MARCHF1: variants seen among roughly 807,000 people sequenced by gnomAD.
MARCHF1 encodes E3 ubiquitin-protein ligase MARCHF1.
Under a neutral mutation model 54.2 loss-of-function variants are expected in MARCHF1, and 40 were observed. The ratio of observed to expected loss-of-function variants is 0.74; its 90% CI spans 0.57 to 0.96. The LOEUF is 0.96. Among genes scored for constraint, MARCHF1 ranks in the 40% least tolerant of loss-of-function variants. The pLI, the probability that MARCHF1 is intolerant of heterozygous loss-of-function variation, is 0.00. For missense variants in MARCHF1, 586 were observed against 656.5 expected, an observed-to-expected ratio of 0.89 and a Z score of 1.17; for synonymous variants, 236 against 236.3, an observed-to-expected ratio of 1.00 and a Z score of 0.01.
chr4:163,854,049 A>C lies in MARCHF1; in HGVS notation c.83T>G (p.Leu28Trp). 6.5e-7 allele frequency: 1 copy of C among 1,536,940 alleles called. No homozygotes were observed. Among genetic ancestry groups the C allele is most frequent in the African/African-American group, 1.4e-5 (1 of 73,142 alleles). The part of the protein sequence containing the change: ...NTRTPEISGD[L>W]ADASQTSTLN... ...TGTGGAGGTTTGTGAGGCGTCAGCC[A>C]AATCCCCTGAGATCTCGGGTGTTCG... The change falls in exon 4 of 10, where the codon TTG becomes TGG. Residue 28 changes from leucine to tryptophan, a missense_variant. Physicochemically the swap from Leu to Trp is moderately conservative, Grantham distance 61. Around this residue, in one of 3 missense-constraint regions of MARCHF1, gnomAD observed 387 missense variants for 394.6 expected, o/e 0.98. Transcript: ENST00000514618.
At chr4:163,820,278 T>C (rs1020366453) in intron 4 of MARCHF1, among the ~76,000 whole-genome samples, 8 of 152,068 alleles carry the variant, frequency 5.3e-5, no homozygotes, top group Non-Finnish European at 8.8e-5. Context: ...AGTTATCCTT[T>C]TGAAGTAATC....
At chr4:163,782,466 T>C (rs1357176742) in intron 4 of MARCHF1, among the ~76,000 whole-genome samples, 1 of 151,420 alleles carries the variant, frequency 6.6e-6, no homozygotes, top group Non-Finnish European at 1.5e-5. Flanking sequence ...AGGCCAGAAG[T>C]TCAAGACAGG....
chr4:163,525,191 C>T lies in MARCHF1; in HGVS notation c.*3557G>A, dbSNP rs778656131. The stretch of plus-strand genomic sequence containing the variant: ...TATGGGGCAGATAGAAAAATCTTCC[C>T]ACCTCAGCCCCAGGACCCTTATAAT... On this transcript the variant is annotated 3_prime_UTR_variant, in exon 10 of 10. Coordinates refer to ENST00000514618, the MANE Select transcript of MARCHF1 (RefSeq NM_001394959.1). The T allele has an allele frequency of 6.6e-6, 1 of 152,094 alleles. No individual in the cohort carries two copies. Among genetic ancestry groups the T allele is most frequent in the Non-Finnish European group, 1.5e-5 (1 of 68,014 alleles). The allele number at this position is 152,094 out of a possible 1,614,324, so 9.4% of individuals were successfully genotyped here.
At chr4:163,949,449 C>T (rs1752088155) in intron 3 of MARCHF1, among the ~76,000 whole-genome samples, 1 of 152,232 alleles carries the variant, frequency 6.6e-6, no homozygotes, top group Non-Finnish European at 1.5e-5. Context: ...CCTCTCTTCT[C>T]TCCTTCTCGT....
chr4:164,114,436 A>G (rs890480600), intron 1 of MARCHF1, among the ~76,000 whole-genome samples: 4 of 151,822 alleles, frequency 2.6e-5, no homozygotes, highest in African/African-American at 9.7e-5. Flanking sequence ...GCATTTACCC[A>G]TTAATAATTC....
intron 4 of MARCHF1, among the ~76,000 whole-genome samples, chr4:163,770,832 C>A (rs1747137201): frequency 6.6e-6 from 1 of 152,124 alleles, no homozygotes; most frequent in Non-Finnish European, 1.5e-5. Context: ...TTCTTTATAG[C>A]TCCTATCAGA....
intron 5 of MARCHF1, among the ~76,000 whole-genome samples, chr4:163,694,801 A>G (rs1412957360): frequency 6.6e-6 from 1 of 152,116 alleles, no homozygotes. Context: ...GCTAAATGAG[A>G]TCGCCCAAGG....
In MARCHF1 at chr4:163,550,239, G is replaced by A. The variant is rs56724355; in HGVS notation, c.1192-4496C>T. 6.8e-3 allele frequency among the ~76,000 whole-genome samples: 975 copies of A among 144,098 alleles called. 19 individuals are homozygous for A. The highest frequency in any genetic ancestry group is 0.025 in the African/African-American group (937 of 38,006). 94.5% of individuals were successfully genotyped at this position (144,098 alleles called of 152,430 possible). A position where few individuals can be genotyped will look rare whatever the true frequency, so the allele number is the denominator to read the frequency against. On this transcript the variant is annotated intron_variant, in intron 8 of 9. Coordinates refer to ENST00000514618, the MANE Select transcript of MARCHF1 (RefSeq NM_001394959.1). ...AGAGATTGCAGTGGGCCGAGATCGCGCCACTGCACTCCAGCCTCGGCGACA... is the reference window on the plus strand; with the variant it reads ...AGAGATTGCAGTGGGCCGAGATCGCACCACTGCACTCCAGCCTCGGCGACA...
chr4:163,822,968 A>T (rs1489736170), intron 4 of MARCHF1, among the ~76,000 whole-genome samples: 1 of 151,860 alleles, frequency 6.6e-6, no homozygotes, highest in Non-Finnish European at 1.5e-5. Context: ...AGCTTGTTAG[A>T]GTCCTCCTCT....
chr4:164,121,595 C>CA (rs1021087962), intron 1 of MARCHF1, among the ~76,000 whole-genome samples: 1 of 152,060 alleles, frequency 6.6e-6, no homozygotes, highest in African/African-American at 2.4e-5. Context: ...AGCTCCCTCC[C>CA]ATGACATGTG....
chr4:163,632,995 C>G (rs1288009886), intron 5 of MARCHF1, among the ~76,000 whole-genome samples: 1 of 152,162 alleles, frequency 6.6e-6, no homozygotes, highest in African/African-American at 2.4e-5. Context: ...ACGCTGACAC[C>G]TCACACTGCA....
At chr4:164,344,250 G>A (rs1221686223) in intron 1 of MARCHF1, among the ~76,000 whole-genome samples, 2 of 152,188 alleles carry the variant, frequency 1.3e-5, no homozygotes, top group East Asian at 1.9e-4. Context: ...GGAGGGAGAA[G>A]ATCGGAAAAC....
intron 3 of MARCHF1, among the ~76,000 whole-genome samples, chr4:163,973,339 C>CTGGTGACTGGTG (rs1752587045): frequency 6.6e-6 from 1 of 152,206 alleles, no homozygotes; most frequent in Admixed American, 6.5e-5. Context: ...GCTGGTTGTT[C>CTGGTGACTGGTG]TTAGCCTTGC....
chr4:164,303,497 T>A (rs538183767), intron 1 of MARCHF1, among the ~76,000 whole-genome samples: 19 of 152,274 alleles, frequency 1.2e-4, no homozygotes, highest in African/African-American at 3.9e-4. Context: ...GATTAAATAA[T>A]CCTTTCACAG....
intron 7 of MARCHF1, among the ~76,000 whole-genome samples, chr4:163,603,461 AG>A (rs1741039024): frequency 6.6e-6 from 1 of 152,102 alleles, no homozygotes; most frequent in Admixed American, 6.6e-5. Flanking sequence ...CAACCTCGAC[AG>A]GGCTTTCACC....
At chr4:163,562,906 T>A (rs1281350411) in intron 8 of MARCHF1, among the ~76,000 whole-genome samples, 2 of 152,186 alleles carry the variant, frequency 1.3e-5, no homozygotes, top group Non-Finnish European at 2.9e-5. Context: ...GCCCTGGCAG[T>A]AACTAAACTT....
intron 2 of MARCHF1, among the ~76,000 whole-genome samples, chr4:164,002,333 T>A (rs765311842): frequency 2.4e-4 from 36 of 151,362 alleles, no homozygotes; most frequent in Non-Finnish European, 4.3e-4. Context: ...TATTAAAAAA[T>A]TAATTTAAAA....
At chr4:163,929,955 T>TTATATATAA in intron 3 of MARCHF1, among the ~76,000 whole-genome samples, 1 of 81,390 alleles carries the variant, frequency 1.2e-5, no homozygotes, top group African/African-American at 5.7e-5. Flanking sequence ...ATTATATATA[T>TTATATATAA]TATATATAAT....
At chr4:164,312,319 CTTTTTTTTTTT>C (rs34613860) in intron 1 of MARCHF1, among the ~76,000 whole-genome samples, 2 of 103,442 alleles carry the variant, frequency 1.9e-5, no homozygotes, top group Admixed American at 2.4e-4. Context: ...TTTTCTTTTT[CTTTTTTTTTTT>C]TTTTTTTTTT....
Sources: gnomAD v4.1 joint callset for allele counts (sites outside exome capture counted in the v4.1 genomes callset) on GRCh38, gnomAD v4.1.1 for gene constraint, gnomAD v4.1.1 regional missense constraint, MANE v1.5 for transcripts, NCBI Gene and HGNC (gene_info 2026-07-23, HGNC 2026-07-21) for gene names.